RERE: variants seen among roughly 807,000 people sequenced by gnomAD.
RERE encodes the protein arginine-glutamic acid dipeptide repeats, also known as arginine-glutamic acid dipeptide repeats protein.
RERE carries 40 observed loss-of-function variants against 146.1 expected under a neutral mutation model. The ratio of observed to expected loss-of-function variants is 0.27; its 90% CI spans 0.21 to 0.36. The LOEUF is 0.36. RERE is among the 10% of genes least tolerant of loss of function. The pLI is 1.00. For synonymous variants in RERE, 1,003 were observed against 866.0 expected (o/e 1.16, Z -2.78); for missense variants, 1,933 against 2,138.7 (o/e 0.90, Z 1.90).
chr1:8,451,693 T>G (rs998837847), intron 11 of RERE, among the ~76,000 whole-genome samples: 1 of 152,182 alleles, frequency 6.6e-6, no homozygotes, highest in Non-Finnish European at 1.5e-5. Context: ...GGCATAGTCC[T>G]GATCCAGTCC....
At chr1:8,467,502 T>A (rs1644615496) in intron 10 of RERE, among the ~76,000 whole-genome samples, 1 of 152,210 alleles carries the variant, frequency 6.6e-6, no homozygotes, top group Non-Finnish European at 1.5e-5. Flanking sequence ...CTGGAGCCCC[T>A]GGGCTGGGCA....
intron 12 of RERE, among the ~76,000 whole-genome samples, chr1:8,421,520 ATACT>A (rs1166741815): frequency 1.3e-5 from 2 of 152,190 alleles, no homozygotes; most frequent in Non-Finnish European, 2.9e-5. Context: ...GAGATGCGTA[ATACT>A]TAAATTTAAT....
At chr1:8,712,214 C>T (rs1425537108) in intron 1 of RERE, among the ~76,000 whole-genome samples, 1 of 152,188 alleles carries the variant, frequency 6.6e-6, no homozygotes, top group Admixed American at 6.5e-5. Flanking sequence ...CTTGTGTTTT[C>T]TTCTGAAGGG....
chr1:8,686,817 G>A (rs749762286), intron 1 of RERE, among the ~76,000 whole-genome samples: 1 of 152,172 alleles, frequency 6.6e-6, no homozygotes, highest in Non-Finnish European at 1.5e-5. Flanking sequence ...AGCAGAGTAA[G>A]GACAAAGTAG....
At chr1:8,663,573 C>A (rs890720625) in intron 1 of RERE, among the ~76,000 whole-genome samples, 1 of 152,114 alleles carries the variant, frequency 6.6e-6, no homozygotes, top group Non-Finnish European at 1.5e-5. Context: ...ACATTGTTTG[C>A]CTTAGCCTTC....
chr1:8,459,114 A>T (rs745912494), intron 11 of RERE, among the ~76,000 whole-genome samples: 8 of 152,200 alleles, frequency 5.3e-5, no homozygotes, highest in Non-Finnish European at 8.8e-5. Flanking sequence ...CATACTATTG[A>T]CTTCTTTAAG....
Position 8,554,890 on chromosome 1 carries a change from G to A in RERE, c.725+1585C>T, listed in dbSNP as rs977440718. Among the ~76,000 whole-genome samples the A allele has an allele frequency of 2.6e-5, 4 of 152,154 alleles. 1 individual carries two copies. Among genetic ancestry groups the A allele is most frequent in the Admixed American group, 2.6e-4 (4 of 15,296 alleles). ...ACTGGTCCCAGCTAACAATATTCCA[G>A]GATTAAGTCACTGGTCCCAGGTAAC... On this transcript the variant is annotated intron_variant, in intron 6 of 22. Coordinates refer to ENST00000400908, the MANE Select transcript of RERE (RefSeq NM_001042681.2).
chr1:8,686,943 T>C (rs1261501730), intron 1 of RERE, among the ~76,000 whole-genome samples: 1 of 152,078 alleles, frequency 6.6e-6, no homozygotes, highest in Non-Finnish European at 1.5e-5. Flanking sequence ...GCAGAGGCCT[T>C]AGTGATCATC....
chr1:8,358,554 G>A lies in RERE; in HGVS notation c.3981C>T (p.Phe1327=), dbSNP rs144813993. The change falls in exon 20 of 23, where the codon TTC becomes TTT. Residue 1327 remains phenylalanine, a synonymous_variant. Coordinates refer to ENST00000400908, the MANE Select transcript of RERE (RefSeq NM_001042681.2). ...RELRERMKPG[F]EVKPPELDPL... is the part of the protein sequence containing the mutation. ...GGTCCAGCTCTGGGGGCTTCACCTC[G>A]AAGCCCGGCTTCATCCTCTCCCGCA... The A allele has an allele frequency of 6.2e-6, 10 of 1,604,628 alleles. No individual in the cohort carries two copies. The highest frequency in any genetic ancestry group is 1.7e-5 in the Admixed American group (1 of 58,898).
At chr1:8,714,969 G>A (rs1639736076) in intron 1 of RERE, among the ~76,000 whole-genome samples, 1 of 151,936 alleles carries the variant, frequency 6.6e-6, no homozygotes, top group African/African-American at 2.4e-5. Flanking sequence ...CGCCTCCTGG[G>A]TTCAAGTGAT....
chr1:8,360,284 C>A lies in RERE; in HGVS notation c.3223G>T (p.Ala1075Ser). The change falls in exon 18 of 23, where the codon GCT (alanine) becomes TCT (serine). Residue 1075 changes from alanine (A) to serine (S), a missense_variant. Ala to Ser is a moderately conservative substitution (Grantham distance 99, BLOSUM62 1). This residue lies in a region of RERE where 1,255 missense variants were observed against 1,153.8 expected (regional missense o/e 1.09). Coordinates refer to ENST00000400908, the MANE Select transcript of RERE (RefSeq NM_001042681.2). Reference sequence around the variant, plus strand: ...CCCCCCGCTATGCTGCCTCCTGAAGCCGCCGCACCAGAGCAGGGTGGCTGG... The same window carrying A: ...CCCCCCGCTATGCTGCCTCCTGAAGACGCCGCACCAGAGCAGGGTGGCTGG... ...SAQPPCSGAA[A>S]SGGSIAGGSS... is the part of the protein sequence containing the mutation. The A allele has an allele frequency of 6.4e-7, 1 of 1,561,518 alleles. No homozygotes were observed. The highest frequency in any genetic ancestry group is 8.7e-7 in the Non-Finnish European group (1 of 1,153,832).
Position 8,354,992 on chromosome 1 carries a change from T to G in RERE, c.*95A>C. ...ATATAAAGAAATCTTTAGAAGATAT[T>G]CTTTTTGCTTTTGCAGCTCCTATTT... On this transcript the variant is annotated 3_prime_UTR_variant, in exon 23 of 23. Coordinates refer to ENST00000400908, the MANE Select transcript of RERE (RefSeq NM_001042681.2). 2 of 974,744 alleles carry G rather than the reference T, an allele frequency of 2.1e-6. No individual in the cohort carries two copies. Among genetic ancestry groups the G allele is most frequent in the African/African-American group, 3.3e-5 (2 of 60,172 alleles). The allele number at this position is 974,744 out of a possible 1,614,324, so 60.4% of individuals were successfully genotyped here.
chr1:8,800,142 A>G (rs1334127775), intron 1 of RERE, among the ~76,000 whole-genome samples: 1 of 151,992 alleles, frequency 6.6e-6, no homozygotes, highest in Non-Finnish European at 1.5e-5. Context: ...GTGTGGCCCA[A>G]GATATTTCTT....
At chr1:8,756,660 CTAT>C (rs1281124185) in intron 1 of RERE, among the ~76,000 whole-genome samples, 1 of 152,160 alleles carries the variant, frequency 6.6e-6, no homozygotes, top group Non-Finnish European at 1.5e-5. Flanking sequence ...TGCTGTACTA[CTAT>C]ATCTTTTTGA....
chr1:8,359,048 C>A (rs777613183), intron 19 of RERE, 132 bp from the exon 20 acceptor site: 1 of 1,187,918 alleles, frequency 8.4e-7, no homozygotes. Context: ...CCACGGAGAC[C>A]CGGCCCTGCC....
chr1:8,367,739 T>C (rs1309461884), intron 12 of RERE, among the ~76,000 whole-genome samples: 1 of 152,168 alleles, frequency 6.6e-6, no homozygotes, highest in Non-Finnish European at 1.5e-5. Flanking sequence ...CCCATGCTAG[T>C]CTAGGAATGC....
chr1:8,442,814 AATACTGACAGTG>A (rs1368023292), intron 11 of RERE, among the ~76,000 whole-genome samples: 9 of 152,224 alleles, frequency 5.9e-5, no homozygotes, highest in Admixed American at 5.2e-4. Context: ...TTGTGACCAA[AATACTGACAGTG>A]ATACGGACAG....
chr1:8,763,404 G>A (rs779456658), intron 1 of RERE, among the ~76,000 whole-genome samples: 14 of 151,892 alleles, frequency 9.2e-5, no homozygotes, highest in Middle Eastern at 3.5e-3. Flanking sequence ...AGACTGAGGC[G>A]CATGGATCAT....
intron 4 of RERE, among the ~76,000 whole-genome samples, chr1:8,598,229 ACTC>A (rs1646578854): frequency 6.6e-6 from 1 of 151,948 alleles, no homozygotes; most frequent in Non-Finnish European, 1.5e-5. Flanking sequence ...TTGCTCCCAG[ACTC>A]CCTCCCATGG....
Sources: allele counts gnomAD v4.1 joint callset (sites outside exome capture counted in the v4.1 genomes callset), GRCh38; gene constraint gnomAD v4.1.1; regional missense constraint gnomAD v4.1.1; transcripts MANE v1.5; gene names NCBI Gene and HGNC (gene_info 2026-07-23, HGNC 2026-07-21).